KCNH8: variants seen among roughly 807,000 people sequenced by gnomAD.
The protein encoded by KCNH8 is potassium voltage-gated channel subfamily H member 8, also known as voltage-gated delayed rectifier potassium channel KCNH8.
Under a neutral mutation model 103.6 loss-of-function variants are expected in KCNH8, and 70 were observed. That is an observed-to-expected ratio of 0.68 (90% CI 0.56 to 0.82). The LOEUF (loss-of-function observed/expected upper bound fraction) is 0.82, where lower values mean the gene tolerates loss of function less well. Among genes scored for constraint, KCNH8 ranks in the 40% least tolerant of loss-of-function variants. The probability of loss-of-function intolerance (pLI) is 0.00; values close to 1 mark genes in which losing one functional copy is unlikely to be tolerated. For synonymous variants in KCNH8, 498 were observed against 489.4 expected (o/e 1.02, Z -0.23); for missense variants, 1,217 against 1,329.9 (o/e 0.92, Z 1.32).
chr3:19,531,068 A>AACTT (rs928322809), intron 15 of KCNH8, among the ~76,000 whole-genome samples: 56 of 152,334 alleles, frequency 3.7e-4, no homozygotes, highest in African/African-American at 1.3e-3. Flanking sequence ...CTAAAATTCA[A>AACTT]ACTTATTCTT....
chr3:19,427,271 C>T (rs1460398172), intron 7 of KCNH8, among the ~76,000 whole-genome samples: 1 of 152,034 alleles, frequency 6.6e-6, no homozygotes, highest in Non-Finnish European at 1.5e-5. Flanking sequence ...TGAATTAAAC[C>T]AGCTTTTGTG....
chr3:19,238,643 C>T (rs774901517), intron 1 of KCNH8, among the ~76,000 whole-genome samples: 1 of 152,166 alleles, frequency 6.6e-6, no homozygotes, highest in South Asian at 2.1e-4. Flanking sequence ...ATTACTTGTC[C>T]TCCTTGTTTC....
chr3:19,303,418 C>T (rs996838524), intron 3 of KCNH8, among the ~76,000 whole-genome samples: 2 of 152,096 alleles, frequency 1.3e-5, no homozygotes, highest in Non-Finnish European at 2.9e-5. Context: ...AACCTAAATC[C>T]TAAGCGGCAG....
intron 11 of KCNH8, among the ~76,000 whole-genome samples, chr3:19,477,869 C>T (rs1227748735): frequency 6.6e-6 from 1 of 152,058 alleles, no homozygotes; most frequent in African/African-American, 2.4e-5. Context: ...GTGTAGCCAT[C>T]ACCTGAACAG....
At chr3:19,406,498 A>G (rs2066693399) in intron 7 of KCNH8, among the ~76,000 whole-genome samples, 1 of 152,126 alleles carries the variant, frequency 6.6e-6, no homozygotes, top group Non-Finnish European at 1.5e-5. Context: ...TTAATTTCTA[A>G]AGGACAGTAA....
At chr3:19,372,923 G>C (rs2066124679) in intron 5 of KCNH8, among the ~76,000 whole-genome samples, 1 of 151,846 alleles carries the variant, frequency 6.6e-6, no homozygotes, top group East Asian at 1.9e-4. Flanking sequence ...TTATTGATTT[G>C]CGTATATTGA....
intron 1 of KCNH8, among the ~76,000 whole-genome samples, chr3:19,247,637 A>T (rs918870102): frequency 6.6e-6 from 1 of 152,200 alleles, no homozygotes; most frequent in African/African-American, 2.4e-5. Context: ...GTACTTGCTA[A>T]CCCAATGCAA....
chr3:19,149,141 C>T (rs1025215706), intron 1 of KCNH8, among the ~76,000 whole-genome samples: 1 of 151,994 alleles, frequency 6.6e-6, no homozygotes, highest in African/African-American at 2.4e-5. Flanking sequence ...TATCGGTGTA[C>T]CTAATCTTTC....
intron 15 of KCNH8, among the ~76,000 whole-genome samples, chr3:19,528,621 T>G (rs958047522): frequency 9.2e-5 from 14 of 152,126 alleles, no homozygotes; most frequent in African/African-American, 3.4e-4. Context: ...TATATATACT[T>G]GGAATGAAGA....
intron 2 of KCNH8, among the ~76,000 whole-genome samples, chr3:19,256,985 C>T (rs1011666446): frequency 6.6e-6 from 1 of 151,984 alleles, no homozygotes; most frequent in Non-Finnish European, 1.5e-5. Context: ...TTTCTACATC[C>T]CCAGTGCCTG....
At chr3:19,478,491 T>A (rs988969067) in intron 11 of KCNH8, among the ~76,000 whole-genome samples, 1 of 152,168 alleles carries the variant, frequency 6.6e-6, no homozygotes, top group African/African-American at 2.4e-5. Flanking sequence ...TAAGATGGTA[T>A]CTCATTGTGG....
chr3:19,163,847 T>G (rs1009703076), intron 1 of KCNH8, among the ~76,000 whole-genome samples: 4 of 152,346 alleles, frequency 2.6e-5, no homozygotes, highest in African/African-American at 9.6e-5. Flanking sequence ...AGTAAATCTA[T>G]TTTCTCTTCT....
At position 19,440,014 on chromosome 3, in the gene KCNH8, A is replaced by G. The variant is rs566029262; in HGVS notation, c.1375+1653A>G. ...GGCAGGCAGGCAAAAGAAAGAAAGA[A>G]AAAGAGTGAGTGACAAAGACAGAAA... On this transcript the variant is annotated intron_variant, in intron 8 of 15. Coordinates refer to ENST00000328405, the MANE Select transcript of KCNH8 (RefSeq NM_144633.3). 4.6e-5 allele frequency among the ~76,000 whole-genome samples: 7 copies of G among 152,184 alleles called. No individual in the cohort carries two copies. The South Asian group carries it at 6.2e-4, about 14-fold the overall frequency.
At chr3:19,180,990 G>T (rs1249488968) in intron 1 of KCNH8, among the ~76,000 whole-genome samples, 1 of 151,992 alleles carries the variant, frequency 6.6e-6, no homozygotes, top group Non-Finnish European at 1.5e-5. Context: ...ATATAAAAAG[G>T]CATGCAATTT....
chr3:19,462,572 GT>G (rs1204828568), intron 11 of KCNH8, among the ~76,000 whole-genome samples: 1 of 152,020 alleles, frequency 6.6e-6, no homozygotes, highest in Non-Finnish European at 1.5e-5. Flanking sequence ...TGGCAGAAAT[GT>G]TCTCCCATTC....
intron 11 of KCNH8, among the ~76,000 whole-genome samples, chr3:19,502,525 C>G (rs1559360901): frequency 6.6e-6 from 1 of 152,158 alleles, no homozygotes; most frequent in Non-Finnish European, 1.5e-5. Context: ...TCAAACTATA[C>G]TACAAGGCTA....
chr3:19,397,532 TAC>T (rs1491123594), intron 7 of KCNH8, among the ~76,000 whole-genome samples: 1 of 147,010 alleles, frequency 6.8e-6, no homozygotes, highest in Non-Finnish European at 1.5e-5. Context: ...TGTGTATATA[TAC>T]ACACATATAT....
chr3:19,335,715 C>A (rs2065575049), intron 3 of KCNH8, among the ~76,000 whole-genome samples: 1 of 151,582 alleles, frequency 6.6e-6, no homozygotes, highest in East Asian at 1.9e-4. Context: ...TGCTTCTTTC[C>A]ACATTACTGG....
chr3:19,265,257 T>G, intron 2 of KCNH8, among the ~76,000 whole-genome samples: 1 of 151,996 alleles, frequency 6.6e-6, no homozygotes. Flanking sequence ...AAGGGCCAAA[T>G]GAGATAACCA....
Sources: allele counts gnomAD v4.1 joint callset (sites outside exome capture counted in the v4.1 genomes callset), GRCh38; gene constraint gnomAD v4.1.1; transcripts MANE v1.5; gene names NCBI Gene and HGNC (gene_info 2026-07-23, HGNC 2026-07-21).